The following SLC13A4 variants were observed in gnomAD, a reference collection of about 807,000 sequenced individuals.
SLC13A4 encodes the protein Na(+)/sulfate cotransporter SUT-1.
A neutral mutation model predicts 72.7 loss-of-function variants in SLC13A4; 28 were observed. The observed-to-expected ratio is 0.39, with a 90% CI of 0.29 to 0.53. The LOEUF is 0.53. SLC13A4 is among the 20% of genes least tolerant of loss of function. SLC13A4 has a pLI of 0.78. For synonymous variants in SLC13A4, 312 were observed against 325.5 expected (o/e 0.96, Z 0.45); for missense variants, 653 against 788.0 (o/e 0.83, Z 2.05).
chr7:135,699,236 A>C, intron 8 of SLC13A4, 128 bp downstream of exon 8: 4 of 954,848 alleles, frequency 4.2e-6, no homozygotes, highest in Non-Finnish European at 6.0e-6. Context: ...CACTGTGCTC[A>C]GCCTGTTTTT....
At chr7:135,699,720 C>T (rs1207153944) in intron 7 of SLC13A4, among the ~76,000 whole-genome samples, 172 bp from the exon 8 acceptor site, 1 of 152,172 alleles carries the variant, frequency 6.6e-6, no homozygotes, top group East Asian at 1.9e-4. Context: ...GCTGCAGTTT[C>T]TTCTTTGTAA....
At chr7:135,692,630 G>A (rs1044515292) in intron 10 of SLC13A4, 12 of 552,468 alleles carry the variant, frequency 2.2e-5, no homozygotes, top group Non-Finnish European at 3.5e-5. Context: ...TGTTCCTGGA[G>A]AAACTTCAGT....
intron 5 of SLC13A4, chr7:135,703,187 A>G: frequency 2.6e-6 from 1 of 387,872 alleles, no homozygotes; most frequent in Non-Finnish European, 4.7e-6. Context: ...TATGGGCTTT[A>G]ACCCCCAGAC....
At chr7:135,701,865 T>G in intron 6 of SLC13A4, 105 bp from the exon 7 acceptor site, 1 of 1,106,818 alleles carries the variant, frequency 9.0e-7, no homozygotes, top group Non-Finnish European at 1.3e-6. Flanking sequence ...GCCTCAGCAC[T>G]GTGGGAACCA....
chr7:135,699,259 G>A (rs1006561553), intron 8 of SLC13A4, 105 bp downstream of exon 8: 15 of 1,165,546 alleles, frequency 1.3e-5, no homozygotes, highest in African/African-American at 1.3e-4. Flanking sequence ...CTCTTTCTAC[G>A]GAAACTCTTC....
chr7:135,710,733 C>T (rs1163751335), intron 2 of SLC13A4, among the ~76,000 whole-genome samples: 1 of 152,214 alleles, frequency 6.6e-6, no homozygotes, highest in African/African-American at 2.4e-5. Flanking sequence ...TCTCTCCTTT[C>T]TCTCTTTTGC....
chr7:135,709,497 G>A (rs2129494928), intron 2 of SLC13A4, among the ~76,000 whole-genome samples: 1 of 151,220 alleles, frequency 6.6e-6, no homozygotes, highest in South Asian at 2.1e-4. Flanking sequence ...ACAGCTCACT[G>A]CAGCCTCAAC....
At chr7:135,721,221 G>C (rs1413709373) in intron 2 of SLC13A4, among the ~76,000 whole-genome samples, 174 bp downstream of exon 2, 1 of 152,210 alleles carries the variant, frequency 6.6e-6, no homozygotes, top group African/African-American at 2.4e-5. Flanking sequence ...GGTGGAAGGA[G>C]AGGAATTCAG....
chr7:135,725,174 GA>G (rs1441416403), intron 1 of SLC13A4, among the ~76,000 whole-genome samples: 1 of 152,210 alleles, frequency 6.6e-6, no homozygotes, highest in Non-Finnish European at 1.5e-5. Context: ...ACAAGTAAAG[GA>G]AAGAGTTCGA....
chr7:135,700,290 G>T (rs1796000946), intron 7 of SLC13A4, among the ~76,000 whole-genome samples: 1 of 152,186 alleles, frequency 6.6e-6, no homozygotes, highest in Non-Finnish European at 1.5e-5. Flanking sequence ...GGTCAGAGAG[G>T]TTGCTGAACT....
At chr7:135,688,889 T>C (rs1795705236) in intron 13 of SLC13A4, 1 of 152,160 alleles carries the variant, frequency 6.6e-6, no homozygotes, top group Non-Finnish European at 1.5e-5. Flanking sequence ...TTCTTGTTTT[T>C]TGTTTTGGTG....
At chr7:135,710,058 T>C (rs1424622855) in intron 2 of SLC13A4, among the ~76,000 whole-genome samples, 2 of 152,148 alleles carry the variant, frequency 1.3e-5, no homozygotes, top group Non-Finnish European at 2.9e-5. Context: ...GGAGGAACCA[T>C]ACAGAAATTG....
intron 2 of SLC13A4, among the ~76,000 whole-genome samples, chr7:135,712,531 A>T (rs1796327456): frequency 6.6e-6 from 1 of 151,650 alleles, no homozygotes; most frequent in Admixed American, 6.5e-5. Flanking sequence ...CAGAGATTAA[A>T]TGACACGTGC....
At chr7:135,683,478 C>T in intron 15 of SLC13A4, 1 of 983,558 alleles carries the variant, frequency 1.0e-6, no homozygotes, top group Non-Finnish European at 1.2e-6. Context: ...TTTCCATCCT[C>T]TCCCCCCCCG....
chr7:135,727,564 A>T lies in SLC13A4; in HGVS notation c.-68T>A, dbSNP rs1796695896. The T allele has an allele frequency of 2.0e-6, 3 of 1,504,972 alleles. No individual in the cohort carries two copies. The highest frequency in any genetic ancestry group is 2.7e-6 in the Non-Finnish European group (3 of 1,119,850). The allele number at this position is 1,504,972 out of a possible 1,614,324, so 93.2% of individuals were successfully genotyped here. ...CCGGCGAAAGGCTTCCTGCCTGGGC[A>T]CTGCTCTCTATCCAGAAAGACTTCT... On this transcript the variant is annotated 5_prime_UTR_variant, in exon 1 of 16. Transcript: ENST00000682651.
intron 15 of SLC13A4, chr7:135,683,282 G>A: frequency 1.3e-6 from 1 of 761,016 alleles, no homozygotes; most frequent in Non-Finnish European, 1.5e-6. Context: ...CTGGGTGAGA[G>A]TGAGATTCTG....
Position 135,699,438 on chromosome 7 carries a change from G to A in SLC13A4, c.825C>T (p.Tyr275=). Residue 275 remains tyrosine, a synonymous_variant, in exon 8 of 16, where the codon TAC becomes TAT. Coordinates refer to ENST00000682651, the MANE Select transcript of SLC13A4 (RefSeq NM_001318192.2). The part of the protein sequence containing the change: ...ICKCLSLSIS[Y]SATIGGLTTI... The stretch of plus-strand genomic sequence containing the variant: ...TGGTCAGGCCGCCAATGGTAGCGGA[G>A]TAGGATATGCTCAGGGAGAGGCACT... 6.2e-7 allele frequency: 1 copy of A among 1,613,650 alleles called. No homozygotes were observed.
At chr7:135,695,632 A>T (rs1795884141) in intron 8 of SLC13A4, 145 bp from the exon 9 acceptor site, 3 of 901,742 alleles carry the variant, frequency 3.3e-6, no homozygotes, top group East Asian at 5.5e-5. Context: ...GTTGCCTAGG[A>T]CTCATTTAGT....
chr7:135,692,619 A>C, intron 10 of SLC13A4, 195 bp from the exon 11 acceptor site: 1 of 558,390 alleles, frequency 1.8e-6, no homozygotes, highest in Non-Finnish European at 3.1e-6. Context: ...GACATTAACC[A>C]TGTTCCTGGA....
Sources: allele counts gnomAD v4.1 joint callset (sites outside exome capture counted in the v4.1 genomes callset), GRCh38; gene constraint gnomAD v4.1.1; transcripts MANE v1.5; gene names NCBI Gene and HGNC (gene_info 2026-07-23, HGNC 2026-07-21).